Variants in HLCS observed in about 807,000 individuals in gnomAD.
HLCS encodes the protein biotin--protein ligase.
HLCS carries 53 observed loss-of-function variants against 75.0 expected under a neutral mutation model. The observed-to-expected ratio is 0.71, with a 90% CI of 0.57 to 0.89. The LOEUF (loss-of-function observed/expected upper bound fraction) is 0.89, where lower values mean the gene tolerates loss of function less well. Among genes scored for constraint, HLCS ranks in the 40% least tolerant of loss-of-function variants. The probability of loss-of-function intolerance (pLI) is 0.00; values close to 1 mark genes in which losing one functional copy is unlikely to be tolerated. For synonymous variants in HLCS, 431 were observed against 428.6 expected (o/e 1.01, Z -0.07); for missense variants, 966 against 1,074.0 (o/e 0.90, Z 1.41).
chr21:36,966,751 G>T (rs2068618480), upstream of HLCS: 10 of 327,068 alleles, frequency 3.1e-5, no homozygotes, highest in Non-Finnish European at 4.3e-5. Context: ...GCGGCGCGGG[G>T]GTGGGGACGG....
At position 36,966,425 on chromosome 21, in the gene HLCS, G is replaced by GGCCCCCCCC; in HGVS notation, c.195+18_195+19insGGGGGGGGC. The GGCCCCCCCC allele has an allele frequency of 3.0e-4, 58 of 195,430 alleles. No individual in the cohort carries two copies. The highest frequency in any genetic ancestry group is 4.9e-4 in the Non-Finnish European group (57 of 116,682). 12.1% of individuals were successfully genotyped at this position (195,430 alleles called of 1,614,324 possible). On this transcript the variant is annotated intron_variant, in intron 1 of 10. Transcript: ENST00000674895. ...CCGGCTCGCGGGGCCCGGGTCGCCC[G>GGCCCCCCCC]CCCGCCCGACCCGCCCACCTGGCTG...
At chr21:36,926,627 T>C (rs913122464) in intron 5 of HLCS, among the ~76,000 whole-genome samples, 4 of 152,090 alleles carry the variant, frequency 2.6e-5, no homozygotes, top group Non-Finnish European at 4.4e-5. Flanking sequence ...TATATAATCA[T>C]TATAGAAAAT....
chr21:36,988,681 T>A (rs1483160054), intron 1 of HLCS, among the ~76,000 whole-genome samples: 1 of 152,218 alleles, frequency 6.6e-6, no homozygotes, highest in African/African-American at 2.4e-5. Flanking sequence ...CAGCAATGTA[T>A]GAGAGCATCT....
chr21:36,767,292 A>G lies in HLCS; in HGVS notation c.1893-7T>C. On this transcript the variant is annotated splice_polypyrimidine_tract_variant and splice_region_variant and intron_variant, in intron 6 of 10. Transcript: ENST00000674895. Reference sequence around the variant, plus strand: ...CGGTGTCTGAAACATCAGCCTGCCGAAGAGGGGGAAAGACCGGTTAGGCCA... The same window carrying G: ...CGGTGTCTGAAACATCAGCCTGCCGGAGAGGGGGAAAGACCGGTTAGGCCA... 6.2e-7 allele frequency: 1 copy of G among 1,614,030 alleles called. No individual in the cohort carries two copies. The highest frequency in any genetic ancestry group is 2.2e-5 in the East Asian group (1 of 44,860).
chr21:36,780,025 TG>T (rs2060478899), intron 6 of HLCS, among the ~76,000 whole-genome samples: 1 of 152,182 alleles, frequency 6.6e-6, no homozygotes. Flanking sequence ...AATGGATACA[TG>T]CATATTTTCT....
intron 5 of HLCS, among the ~76,000 whole-genome samples, chr21:36,915,472 A>G (rs2065892466): frequency 6.6e-6 from 1 of 152,198 alleles, no homozygotes; most frequent in African/African-American, 2.4e-5. Context: ...ACTTGGGAAC[A>G]TTCAGAGAAT....
rs375456567 is a variant in HLCS, at chr21:36,759,782, G to T, written c.2181C>A (p.Ile727=). 6.2e-7 allele frequency: 1 copy of T among 1,613,424 alleles called. No homozygotes were observed. The highest frequency in any genetic ancestry group is 1.3e-5 in the African/African-American group (1 of 74,896). The part of the protein sequence containing the change: ...NDIYYSDLMK[I]GGVLVNSTLM... ...GTGTTGAGTTAACCAGAACTCCGCC[G>T]ATCTTCATGAGGTCACTGTAATAAA... Residue 727 remains isoleucine (I), a synonymous_variant, in exon 9 of 11, where the codon ATC becomes ATA. Coordinates refer to ENST00000674895, the MANE Select transcript of HLCS (RefSeq NM_001352514.2).
chr21:36,882,620 C>CTTTTTTT (rs35012674), intron 6 of HLCS, among the ~76,000 whole-genome samples: 12 of 104,446 alleles, frequency 1.1e-4, no homozygotes, highest in South Asian at 6.8e-4. Flanking sequence ...TTCTTTCTTT[C>CTTTTTTT]TTTTTTTTTT....
intron 6 of HLCS, among the ~76,000 whole-genome samples, chr21:36,834,964 G>A (rs1569077734): frequency 6.6e-6 from 1 of 152,204 alleles, no homozygotes; most frequent in Admixed American, 6.5e-5. Flanking sequence ...AGTGTGGGGG[G>A]TCAGGAGTTA....
chr21:36,966,425 G>T lies in HLCS; in HGVS notation c.195+19C>A, dbSNP rs1346303422. 1.0e-5 allele frequency: 2 copies of T among 192,230 alleles called. No homozygotes were observed. The highest frequency in any genetic ancestry group is 2.6e-5 in the African/African-American group (1 of 38,512). The allele number at this position is 192,230 out of a possible 1,614,324, so 11.9% of individuals were successfully genotyped here. A position where few individuals can be genotyped will look rare whatever the true frequency, so the allele number is the denominator to read the frequency against. On this transcript the variant is annotated intron_variant, in intron 1 of 10. Transcript: ENST00000674895. ...CCGGCTCGCGGGGCCCGGGTCGCCCGCCCGCCCGACCCGCCCACCTGGCTG... is the reference window on the plus strand; with the variant it reads ...CCGGCTCGCGGGGCCCGGGTCGCCCTCCCGCCCGACCCGCCCACCTGGCTG...
At position 36,804,792 on chromosome 21, in the gene HLCS, C is replaced by A. The variant is rs115391620; in HGVS notation, c.1893-37507G>T. On this transcript the variant is annotated intron_variant, in intron 6 of 10. Transcript: ENST00000674895. ...TTCTAAAACGGTATAAAACATCTAC[C>A]AACAACATCAGGTTTTTGGTATTCT... Among the ~76,000 whole-genome samples the A allele has an allele frequency of 8.5e-3, 1,294 of 152,174 alleles. 16 individuals carry two copies. The highest frequency in any genetic ancestry group is 0.029 in the African/African-American group (1,214 of 41,516).
rs146498134 is a variant in HLCS at position 36,767,218 on chromosome 21, C to T, written c.1960G>A (p.Gly654Arg). 6 of 1,613,974 alleles carry T rather than the reference C, an allele frequency of 3.7e-6. No homozygotes were observed. In the African/African-American group the frequency reaches 5.3e-5, roughly 14 times the overall value. ...GCAATGATCACAAAAGATGACTGAC[C>T]TTTGCCCTCGGTCTGCCGGGCCGCG... ...VIAARQTEGKGRGGNVWLSPV... is the reference protein window; with the variant it reads ...VIAARQTEGKRRGGNVWLSPV... The change falls in exon 7 of 11, where the codon GGA (glycine) becomes AGA (arginine). Residue 654 changes from glycine (G) to arginine (R), a missense_variant and splice_region_variant. Physicochemically the swap from Gly to Arg is moderately radical, Grantham distance 125. Transcript: ENST00000674895.
intron 4 of HLCS, among the ~76,000 whole-genome samples, chr21:36,933,176 C>T (rs568066568): frequency 1.9e-4 from 29 of 152,246 alleles, no homozygotes; most frequent in African/African-American, 5.8e-4. Context: ...CCAACATGGT[C>T]CCCAAACCAC....
At chr21:36,886,349 C>T (rs902441162) in intron 6 of HLCS, among the ~76,000 whole-genome samples, 1 of 146,462 alleles carries the variant, frequency 6.8e-6, no homozygotes, top group Non-Finnish European at 1.5e-5. Context: ...AGAAGAATGG[C>T]GTGAACCCGG....
At chr21:36,855,499 C>T (rs1004591444) in intron 6 of HLCS, among the ~76,000 whole-genome samples, 1 of 144,926 alleles carries the variant, frequency 6.9e-6, no homozygotes, top group Non-Finnish European at 1.5e-5. Context: ...GATCACACCA[C>T]TGCACTCCAG....
chr21:36,863,986 AG>A (rs1286369692), intron 6 of HLCS, among the ~76,000 whole-genome samples: 1 of 152,252 alleles, frequency 6.6e-6, no homozygotes, highest in Non-Finnish European at 1.5e-5. Flanking sequence ...ACAGTTGCAA[AG>A]GATGCAATTT....
intron 6 of HLCS, among the ~76,000 whole-genome samples, chr21:36,883,698 A>G (rs1275356770): frequency 6.6e-6 from 1 of 152,160 alleles, no homozygotes; most frequent in Non-Finnish European, 1.5e-5. Context: ...CTTCCTTGGT[A>G]GCTGAAGAGG....
At chr21:36,757,642 T>G (rs896357120) in intron 9 of HLCS, among the ~76,000 whole-genome samples, 1 of 152,210 alleles carries the variant, frequency 6.6e-6, no homozygotes, top group Non-Finnish European at 1.5e-5. Flanking sequence ...AACAACAGCC[T>G]TCCCGGCAAG....
chr21:36,853,475 C>T (rs1445145349), intron 6 of HLCS, among the ~76,000 whole-genome samples: 4 of 152,110 alleles, frequency 2.6e-5, no homozygotes, highest in Non-Finnish European at 5.9e-5. Flanking sequence ...ATGTTTAAAA[C>T]ATGGGATAAA....
Sources: gnomAD v4.1 joint callset for allele counts (sites outside exome capture counted in the v4.1 genomes callset) on GRCh38, gnomAD v4.1.1 for gene constraint, MANE v1.5 for transcripts, NCBI Gene and HGNC (gene_info 2026-07-23, HGNC 2026-07-21) for gene names.